PAK6: variants seen among roughly 807,000 people sequenced by gnomAD.
PAK6 encodes the protein p21 (RAC1) activated kinase 6, also known as serine/threonine-protein kinase PAK 6.
PAK6 carries 33 observed loss-of-function variants against 60.8 expected under a neutral mutation model. The observed-to-expected ratio is 0.54, with a 90% CI of 0.41 to 0.73. PAK6 has a LOEUF of 0.73. PAK6 is among the 30% of genes least tolerant of loss of function. The probability of loss-of-function intolerance (pLI) is 0.00; values close to 1 mark genes in which losing one functional copy is unlikely to be tolerated. For missense variants in PAK6, 845 were observed against 904.1 expected (o/e 0.93, Z 0.84); for synonymous variants, 404 against 378.5 (o/e 1.07, Z -0.78).
At chr15:40,259,623 C>T (rs1342098967) in intron 3 of PAK6, 2 of 151,920 alleles carry the variant, frequency 1.3e-5, no homozygotes, top group Admixed American at 1.3e-4. Flanking sequence ...CCTATCTCTA[C>T]TAAAAATACA....
intron 5 of PAK6, among the ~76,000 whole-genome samples, chr15:40,271,210 G>A (rs2039292120): frequency 6.6e-6 from 1 of 152,226 alleles, no homozygotes; most frequent in Non-Finnish European, 1.5e-5. Flanking sequence ...ACCGCTCCTT[G>A]GGGAGAACCC....
exon 5 of PAK6, chr15:40,266,091 C>A: frequency 6.2e-7 from 1 of 1,609,942 alleles, no homozygotes; most frequent in Non-Finnish European, 8.5e-7. Context: ...CGGGGGCACA[C>A]CAGCAGGCCA....
At chr15:40,263,054 G>T (rs1449335860) in intron 3 of PAK6, among the ~76,000 whole-genome samples, 1 of 152,210 alleles carries the variant, frequency 6.6e-6, no homozygotes, top group Non-Finnish European at 1.5e-5. Flanking sequence ...TGTGACGTGG[G>T]CTCTGATTGA....
At chr15:40,266,900 G>T in intron 5 of PAK6, 1 of 176,098 alleles carries the variant, frequency 5.7e-6, no homozygotes. Flanking sequence ...GCAGAGTGGA[G>T]CGCACCTTTT....
chr15:40,272,427 C>G, exon 6 of PAK6: 1 of 1,613,648 alleles, frequency 6.2e-7, no homozygotes, highest in Non-Finnish European at 8.5e-7. Context: ...CCCCCCGCAC[C>G]TGGCACGCCC....
chr15:40,245,377 C>T (rs1242287986), intron 2 of PAK6: 1 of 152,278 alleles, frequency 6.6e-6, no homozygotes, highest in Non-Finnish European at 1.5e-5. Context: ...AAGGCTGCAG[C>T]AGCAGCAGCA....
intron 2 of PAK6, among the ~76,000 whole-genome samples, chr15:40,249,016 T>A (rs890066937): frequency 1.7e-4 from 26 of 152,208 alleles, no homozygotes; most frequent in Admixed American, 1.4e-3. Flanking sequence ...AACAGAAATT[T>A]ATTTCTCACA....
At chr15:40,256,692 C>T (rs2038843411) in intron 3 of PAK6, among the ~76,000 whole-genome samples, 1 of 152,192 alleles carries the variant, frequency 6.6e-6, no homozygotes, top group African/African-American at 2.4e-5. Context: ...TCGTGTCTGC[C>T]CCTTCTTTGC....
intron 2 of PAK6, among the ~76,000 whole-genome samples, chr15:40,248,155 C>T (rs2038548219): frequency 6.6e-6 from 1 of 152,210 alleles, no homozygotes; most frequent in Admixed American, 6.5e-5. Context: ...GGCTCTGCAG[C>T]TAGACTCCGT....
intron 3 of PAK6, among the ~76,000 whole-genome samples, chr15:40,264,234 A>C (rs1382462222): frequency 6.6e-6 from 1 of 152,052 alleles, no homozygotes; most frequent in East Asian, 1.9e-4. Flanking sequence ...AAAAAAAAAA[A>C]GCCAACAAAA....
At chr15:40,265,787 C>A in intron 4 of PAK6, 55 bp from the exon 5 acceptor site, 1 of 1,474,862 alleles carries the variant, frequency 6.8e-7, no homozygotes, top group Non-Finnish European at 9.0e-7. Context: ...TCCCAGCCAC[C>A]CCTCCCTGCC....
rs3743132 is a variant in PAK6 at position 40,265,801 on chromosome 15, A to G, written c.205-41A>G. 131,602 of 1,491,376 alleles carry G rather than the reference A, an allele frequency of 0.088. 6,955 individuals are homozygous for G. The highest frequency in any genetic ancestry group is 0.19 in the African/African-American group (13,540 of 70,936). 92.4% of individuals were successfully genotyped at this position (1,491,376 alleles called of 1,614,324 possible). ...CTCCCAGCCACCCCTCCCTGCCACA[A>G]TTGGGCAGCTCCCACACACTCTTTT... is the stretch of plus-strand genomic sequence containing the variant. On this transcript the variant is annotated intron_variant, in intron 4 of 10. Transcript: ENST00000560346.
chr15:40,252,323 ACTGGG>A (rs1566845195), intron 2 of PAK6: 29 of 1,268,606 alleles, frequency 2.3e-5, no homozygotes, highest in Non-Finnish European at 2.8e-5. Flanking sequence ...CGAGGCGGCC[ACTGGG>A]CCGTGGAGCC....
intron 3 of PAK6, 91 bp downstream of exon 3, chr15:40,253,380 C>T (rs930529823): frequency 9.6e-6 from 4 of 416,774 alleles, no homozygotes; most frequent in African/African-American, 8.2e-5. Flanking sequence ...AGGTGGCCCT[C>T]CTGGGCTGGC....
intron 2 of PAK6, chr15:40,252,503 T>C: frequency 7.3e-7 from 1 of 1,363,476 alleles, no homozygotes; most frequent in Non-Finnish European, 9.8e-7. Context: ...TCTCCCGCGC[T>C]CTGGGTTCGC....
intron 3 of PAK6, among the ~76,000 whole-genome samples, chr15:40,262,695 C>T (rs573600727): frequency 7.2e-4 from 109 of 152,324 alleles, no homozygotes; most frequent in Middle Eastern, 3.4e-3. Flanking sequence ...AGACTTGTAT[C>T]TGCCCAAGTG....
At chr15:40,272,968 G>A in exon 7 of PAK6, 1 of 1,613,964 alleles carries the variant, frequency 6.2e-7, no homozygotes, top group Non-Finnish European at 8.5e-7. Flanking sequence ...CCTGCAGGGA[G>A]GAGCCCTCAC....
chr15:40,240,707 C>T (rs752778958), intron 2 of PAK6, 26 bp downstream of exon 2: 11 of 436,806 alleles, frequency 2.5e-5, no homozygotes, highest in South Asian at 1.8e-4. Context: ...CCGCTGCGTG[C>T]TCCGGATTCC....
intron 4 of PAK6, 133 bp downstream of exon 4, chr15:40,265,122 C>A (rs879058795): frequency 2.4e-6 from 2 of 831,896 alleles, no homozygotes; most frequent in Non-Finnish European, 3.7e-6. Context: ...TTTTAACTCC[C>A]TGCCTGTCAG....
Sources: allele counts gnomAD v4.1 joint callset (sites outside exome capture counted in the v4.1 genomes callset), GRCh38; gene constraint gnomAD v4.1.1; transcripts MANE v1.5; gene names NCBI Gene and HGNC (gene_info 2026-07-23, HGNC 2026-07-21).